Variants in RMDN2 observed in about 807,000 individuals in gnomAD.
RMDN2 encodes the protein regulator of microtubule dynamics 2.
A neutral mutation model predicts 52.8 loss-of-function variants in RMDN2; 61 were observed. That is an observed-to-expected ratio of 1.16 (90% confidence interval 0.94 to 1.43). RMDN2 has a LOEUF of 1.43. Among genes scored for constraint, RMDN2 ranks in the 40% most tolerant of loss-of-function variants. The pLI, the probability that RMDN2 is intolerant of heterozygous loss-of-function variation, is 0.00. For synonymous variants in RMDN2, 180 were observed against 153.1 expected (o/e 1.18, Z -1.30); for missense variants, 592 against 475.3 (o/e 1.25, Z -2.28).
At chr2:38,063,879 T>C (rs1449890895) in intron 10 of RMDN2, among the ~76,000 whole-genome samples, 1 of 152,210 alleles carries the variant, frequency 6.6e-6, no homozygotes, top group Non-Finnish European at 1.5e-5. Context: ...ATTTAGCCAC[T>C]ATGATAGGTT....
At chr2:37,938,414 T>G (rs1427401432) in intron 2 of RMDN2, among the ~76,000 whole-genome samples, 3 of 152,230 alleles carry the variant, frequency 2.0e-5, no homozygotes, top group African/African-American at 7.2e-5. Flanking sequence ...CCTCATAAAA[T>G]GAGTTAGGGA....
At chr2:38,066,008 C>G (rs1054444054) in intron 10 of RMDN2, among the ~76,000 whole-genome samples, 8 of 152,100 alleles carry the variant, frequency 5.3e-5, no homozygotes, top group Non-Finnish European at 7.4e-5. Context: ...AGACGGACTA[C>G]CCTATAAATC....
chr2:37,944,883 C>T (rs559362456), intron 2 of RMDN2, among the ~76,000 whole-genome samples: 1 of 152,120 alleles, frequency 6.6e-6, no homozygotes, highest in South Asian at 2.1e-4. Flanking sequence ...AGGAAGAAGC[C>T]AATACAGAGG....
chr2:38,035,613 A>G (rs1343906458), intron 10 of RMDN2, among the ~76,000 whole-genome samples: 7 of 152,236 alleles, frequency 4.6e-5, no homozygotes, highest in Non-Finnish European at 7.3e-5. Context: ...CCATAAATAC[A>G]TCCTAATACA....
intron 10 of RMDN2, among the ~76,000 whole-genome samples, chr2:38,026,300 C>A (rs572255616): frequency 2.0e-5 from 3 of 152,078 alleles, no homozygotes; most frequent in Admixed American, 2.0e-4. Flanking sequence ...TGTAGTGATG[C>A]CACCTCTCTC....
chr2:37,984,048 C>G (rs1572936968), intron 5 of RMDN2, among the ~76,000 whole-genome samples: 1 of 152,112 alleles, frequency 6.6e-6, no homozygotes, highest in East Asian at 1.9e-4. Flanking sequence ...TGATGGTTTA[C>G]AAACCTTCAG....
Position 38,061,646 on chromosome 2 carries a change from C to CACACACACATACACACATACACACAT in RMDN2, c.1714-5329_1714-5328insCATACACACATACACACATACACACA, listed in dbSNP as rs1553393406. ...CCCTCACACACAGTACACACACACA[C>CACACACACATACACACATACACACAT]ACACACATACACACATATACCACTT... is the stretch of plus-strand genomic sequence containing the variant. On this transcript the variant is annotated intron_variant, in intron 10 of 10. Coordinates refer to the RMDN2 transcript ENST00000234195. 8.0e-5 allele frequency among the ~76,000 whole-genome samples: 12 copies of CACACACACATACACACATACACACAT among 149,934 alleles called. No homozygotes were observed. In the Middle Eastern group the frequency reaches 0.01, roughly 129 times the overall value.
intron 8 of RMDN2, among the ~76,000 whole-genome samples, chr2:37,998,912 T>C (rs1181834558): frequency 6.6e-6 from 1 of 152,172 alleles, no homozygotes; most frequent in Admixed American, 6.5e-5. Flanking sequence ...TCCCATTTCT[T>C]CACCCTTTTC....
intron 2 of RMDN2, among the ~76,000 whole-genome samples, chr2:37,942,860 T>G (rs1211285167): frequency 6.6e-6 from 1 of 152,204 alleles, no homozygotes. Flanking sequence ...TAAAACAGAT[T>G]TTTTAAAAGA....
intron 5 of RMDN2, among the ~76,000 whole-genome samples, chr2:37,988,360 T>C (rs534912438): frequency 6.6e-6 from 1 of 152,308 alleles, no homozygotes; most frequent in African/African-American, 2.4e-5. Flanking sequence ...TAGTAGTGTA[T>C]CCTAATCTAG....
chr2:37,989,666 AG>A (rs1192310352), intron 6 of RMDN2, 50 bp downstream of exon 6: 1 of 1,203,250 alleles, frequency 8.3e-7, no homozygotes, highest in Non-Finnish European at 1.2e-6. Flanking sequence ...GACATATGGA[AG>A]GGTATTTATT....
chr2:38,047,293 T>C (rs1243194827), intron 10 of RMDN2, among the ~76,000 whole-genome samples: 1 of 152,188 alleles, frequency 6.6e-6, no homozygotes, highest in East Asian at 1.9e-4. Flanking sequence ...TCTCTATAAA[T>C]ATGTTCGTAT....
chr2:38,031,414 C>CT (rs1680196867), intron 10 of RMDN2, among the ~76,000 whole-genome samples: 1 of 152,000 alleles, frequency 6.6e-6, no homozygotes, highest in Non-Finnish European at 1.5e-5. Flanking sequence ...GCTGAAACTA[C>CT]AGGTCCCTTT....
intron 10 of RMDN2, among the ~76,000 whole-genome samples, chr2:38,065,938 C>A (rs1682259526): frequency 1.3e-5 from 2 of 152,112 alleles, no homozygotes; most frequent in Non-Finnish European, 2.9e-5. Flanking sequence ...GTGGAATGTG[C>A]CTTAGACAAA....
intron 2 of RMDN2, among the ~76,000 whole-genome samples, chr2:37,944,394 G>A (rs1281500697): frequency 1.3e-5 from 2 of 151,394 alleles, no homozygotes; most frequent in Non-Finnish European, 2.9e-5. Context: ...TCAAAACTCT[G>A]CCATTGTAGT....
chr2:37,935,022 A>T (rs1448275406), intron 2 of RMDN2, among the ~76,000 whole-genome samples: 1 of 151,822 alleles, frequency 6.6e-6, no homozygotes, highest in Non-Finnish European at 1.5e-5. Context: ...TCAAAATTAG[A>T]CTCAGGGTTG....
Position 37,991,315 on chromosome 2 carries a change from A to G in RMDN2, c.945+18A>G, listed in dbSNP as rs767762058. The G allele has an allele frequency of 1.2e-5, 16 of 1,291,960 alleles. No homozygotes were observed. Among genetic ancestry groups the G allele is most frequent in the South Asian group, 3.3e-5 (2 of 60,738 alleles). 80.0% of individuals were successfully genotyped at this position (1,291,960 alleles called of 1,614,324 possible). On this transcript the variant is annotated intron_variant, in intron 7 of 10. Coordinates refer to ENST00000354545, the MANE Select transcript of RMDN2 (RefSeq NM_001170791.3). ...GCTATACTGTAAGTTGAATGCCTTT[A>G]TTTATAAACTTTATTTGAATATACT...
intron 10 of RMDN2, among the ~76,000 whole-genome samples, chr2:38,009,873 G>A (rs988642620): frequency 2.6e-4 from 39 of 152,016 alleles, no homozygotes; most frequent in Non-Finnish European, 3.7e-4. Context: ...TGATGGTGAC[G>A]TACAGATGGG....
chr2:37,952,489 A>G (rs1015110790), intron 2 of RMDN2: 41 of 465,604 alleles, frequency 8.8e-5, no homozygotes. Context: ...AGTGACTATT[A>G]TAATACTTTT....
Sources: gnomAD v4.1 joint callset for allele counts (sites outside exome capture counted in the v4.1 genomes callset) on GRCh38, gnomAD v4.1.1 for gene constraint, MANE v1.5 for transcripts, NCBI Gene and HGNC (gene_info 2026-07-23, HGNC 2026-07-21) for gene names.